Variants in RALGPS1 observed in about 807,000 individuals in gnomAD.
RALGPS1 encodes the protein ras-specific guanine nucleotide-releasing factor RalGPS1.
RALGPS1 carries 19 observed loss-of-function variants against 78.8 expected under a neutral mutation model. The observed-to-expected ratio is 0.24, with a 90% confidence interval of 0.17 to 0.35. RALGPS1 has a LOEUF of 0.35. Ranked by LOEUF, RALGPS1 falls within the 10% of genes least tolerant of loss-of-function variation. The pLI is 1.00. For missense variants in RALGPS1, 454 were observed against 688.3 expected, an observed-to-expected ratio of 0.66 and a Z score of 3.81; for synonymous variants, 228 against 256.3, an observed-to-expected ratio of 0.89 and a Z score of 1.06.
intron 1 of RALGPS1, among the ~76,000 whole-genome samples, chr9:126,960,855 T>G (rs570536290): frequency 9.7e-4 from 148 of 152,222 alleles, no homozygotes; most frequent in African/African-American, 3.3e-3. Flanking sequence ...TTCTGGTACC[T>G]CATGCCAAAA....
intron 8 of RALGPS1, among the ~76,000 whole-genome samples, chr9:127,165,088 A>T (rs964085421): frequency 6.6e-6 from 1 of 152,154 alleles, no homozygotes; most frequent in Non-Finnish European, 1.5e-5. Flanking sequence ...GATCTTCTTG[A>T]TCACCTGGAC....
At chr9:127,079,430 G>C (rs1589351872) in intron 8 of RALGPS1, among the ~76,000 whole-genome samples, 1 of 152,324 alleles carries the variant, frequency 6.6e-6, no homozygotes, top group East Asian at 1.9e-4. Flanking sequence ...CCTAGTATTT[G>C]TATCCTTGTA....
chr9:127,044,557 G>A (rs922897396), intron 5 of RALGPS1, among the ~76,000 whole-genome samples: 1 of 152,042 alleles, frequency 6.6e-6, no homozygotes, highest in Non-Finnish European at 1.5e-5. Context: ...TGCCCGGCCC[G>A]AATCTTTTTT....
intron 8 of RALGPS1, among the ~76,000 whole-genome samples, chr9:127,117,313 A>G (rs1036175409): frequency 1.3e-5 from 2 of 152,172 alleles, no homozygotes; most frequent in African/African-American, 2.4e-5. Context: ...CAGCTTCTTT[A>G]AAAAGCAGGG....
At chr9:127,108,654 A>G (rs1589524374) in intron 8 of RALGPS1, 2 of 1,613,214 alleles carry the variant, frequency 1.2e-6, no homozygotes, top group Non-Finnish European at 1.7e-6. Flanking sequence ...TGCCCTCAAA[A>G]CCGTCCTCCT....
At chr9:127,055,933 G>A (rs2048705141) in intron 7 of RALGPS1, among the ~76,000 whole-genome samples, 1 of 152,204 alleles carries the variant, frequency 6.6e-6, no homozygotes, top group African/African-American at 2.4e-5. Context: ...TTGCTGGAGT[G>A]CAGCAGAAAG....
chr9:127,100,988 T>C (rs2787593), intron 8 of RALGPS1, among the ~76,000 whole-genome samples: 3,702 of 152,288 alleles, frequency 0.024, 56 homozygotes, highest in Middle Eastern at 0.048. Flanking sequence ...AAGCAGGACA[T>C]TTGTCTGGCA....
At chr9:127,159,123 A>G (rs1001048302) in intron 8 of RALGPS1, among the ~76,000 whole-genome samples, 2 of 152,198 alleles carry the variant, frequency 1.3e-5, no homozygotes, top group Admixed American at 6.5e-5. Flanking sequence ...AGTGTCCAGC[A>G]TGAAAAAAGG....
intron 18 of RALGPS1, chr9:127,217,150 G>A: frequency 3.9e-6 from 5 of 1,276,492 alleles, no homozygotes; most frequent in Non-Finnish European, 4.9e-6. Flanking sequence ...GAGCACTAAT[G>A]GGTCAGTTTC....
chr9:126,973,122 C>G (rs1258105501), intron 3 of RALGPS1, among the ~76,000 whole-genome samples: 2 of 152,102 alleles, frequency 1.3e-5, no homozygotes, highest in Admixed American at 1.3e-4. Flanking sequence ...AATCCCAGCA[C>G]TTTGGGAGGT....
intron 1 of RALGPS1, among the ~76,000 whole-genome samples, chr9:126,952,859 G>A (rs561526980): frequency 6.6e-6 from 1 of 152,286 alleles, no homozygotes; most frequent in African/African-American, 2.4e-5. Context: ...AAAGGAGGAA[G>A]AGGCGGCTGC....
intron 1 of RALGPS1, among the ~76,000 whole-genome samples, chr9:126,921,741 A>C (rs748563990): frequency 3.7e-4 from 56 of 152,334 alleles, no homozygotes; most frequent in Non-Finnish European, 6.8e-4. Flanking sequence ...CATCGATACA[A>C]GAGGTGAGAT....
chr9:127,186,573 A>T (rs2060660674), intron 11 of RALGPS1, among the ~76,000 whole-genome samples: 1 of 152,252 alleles, frequency 6.6e-6, no homozygotes, highest in South Asian at 2.1e-4. Context: ...GAGGCCTTTC[A>T]GTAGCAGAGG....
chr9:127,031,079 C>T (rs2046395895), intron 4 of RALGPS1, among the ~76,000 whole-genome samples: 1 of 152,138 alleles, frequency 6.6e-6, no homozygotes, highest in South Asian at 2.1e-4. Flanking sequence ...TGCGACAGTC[C>T]CTGGGTAGCT....
chr9:127,217,593 C>A, intron 18 of RALGPS1: 1 of 281,730 alleles, frequency 3.5e-6, no homozygotes, highest in Non-Finnish European at 5.4e-6. Context: ...TTATTGCCAC[C>A]ATGAGCCTAA....
At chr9:127,208,744 T>C (rs2062072214) in intron 14 of RALGPS1, among the ~76,000 whole-genome samples, 1 of 152,186 alleles carries the variant, frequency 6.6e-6, no homozygotes, top group African/African-American at 2.4e-5. Context: ...GAGGAAAGGC[T>C]GCTTACGAGG....
At chr9:126,937,486 T>C (rs1288608514) in intron 1 of RALGPS1, among the ~76,000 whole-genome samples, 1 of 152,216 alleles carries the variant, frequency 6.6e-6, no homozygotes, top group Non-Finnish European at 1.5e-5. Flanking sequence ...CCTATAATAA[T>C]GCCTGAATGA....
chr9:126,968,771 G>A (rs943560074), intron 3 of RALGPS1, among the ~76,000 whole-genome samples: 1 of 152,140 alleles, frequency 6.6e-6, no homozygotes, highest in South Asian at 2.1e-4. Context: ...GTAATCGTCC[G>A]GGCGCGGTGG....
At chr9:127,174,865 A>G in intron 11 of RALGPS1, 83 bp downstream of exon 11, 4 of 1,276,172 alleles carry the variant, frequency 3.1e-6, no homozygotes, top group Non-Finnish European at 4.5e-6. Context: ...CGGGGAGGCC[A>G]AGGGCAAATC....
Sources: allele counts gnomAD v4.1 joint callset (sites outside exome capture counted in the v4.1 genomes callset), GRCh38; gene constraint gnomAD v4.1.1; transcripts MANE v1.5; gene names NCBI Gene and HGNC (gene_info 2026-07-23, HGNC 2026-07-21).